Variants in MAGI2 observed in about 807,000 individuals in gnomAD.
MAGI2 encodes the protein membrane associated guanylate kinase, WW and PDZ domain containing 2, also known as membrane-associated guanylate kinase, WW and PDZ domain-containing protein 2.
MAGI2 carries 35 observed loss-of-function variants against 133.3 expected under a neutral mutation model. The observed-to-expected ratio is 0.26, with a 90% CI of 0.20 to 0.35. The LOEUF (loss-of-function observed/expected upper bound fraction) is 0.35, where lower values mean the gene tolerates loss of function less well. Among genes scored for constraint, MAGI2 ranks in the 10% least tolerant of loss-of-function variants. The probability of loss-of-function intolerance (pLI) is 1.00; values close to 1 mark genes in which losing one functional copy is unlikely to be tolerated. For missense variants in MAGI2, 1,636 were observed against 1,863.4 expected, an observed-to-expected ratio of 0.88 and a Z score of 2.25; for synonymous variants, 729 against 710.6, an observed-to-expected ratio of 1.03 and a Z score of -0.41.
intron 1 of MAGI2, among the ~76,000 whole-genome samples, chr7:79,388,664 A>G (rs1018524200): frequency 6.6e-6 from 1 of 151,794 alleles, no homozygotes; most frequent in Non-Finnish European, 1.5e-5. Context: ...AGAAAGGCAA[A>G]TGATTTCACA....
intron 4 of MAGI2, among the ~76,000 whole-genome samples, chr7:78,513,868 C>T (rs71573389): frequency 0.13 from 19,866 of 151,908 alleles, 1,412 homozygotes; most frequent in Middle Eastern, 0.15. Context: ...GCGGGTGGAT[C>T]AGCTGAGGTC....
At chr7:79,226,522 A>C (rs1457663109) in intron 1 of MAGI2, among the ~76,000 whole-genome samples, 1 of 152,170 alleles carries the variant, frequency 6.6e-6, no homozygotes, top group Non-Finnish European at 1.5e-5. Flanking sequence ...ATAGATCTGA[A>C]GCTTGGAATT....
chr7:78,256,889 C>T (rs1407828867), intron 9 of MAGI2, among the ~76,000 whole-genome samples: 1 of 152,124 alleles, frequency 6.6e-6, no homozygotes, highest in African/African-American at 2.4e-5. Context: ...AGCACATTCT[C>T]TATGCTTCTT....
chr7:78,974,568 G>A (rs1345594794), intron 2 of MAGI2, among the ~76,000 whole-genome samples: 2 of 151,740 alleles, frequency 1.3e-5, no homozygotes, highest in African/African-American at 2.4e-5. Context: ...CTCCTTTAAT[G>A]TAGTTATTTC....
At chr7:79,326,346 A>G (rs185717539) in intron 1 of MAGI2, among the ~76,000 whole-genome samples, 34 of 152,310 alleles carry the variant, frequency 2.2e-4, no homozygotes, top group Admixed American at 9.2e-4. Flanking sequence ...TAAGAAAAAA[A>G]CTAGACTACC....
intron 1 of MAGI2, among the ~76,000 whole-genome samples, chr7:79,017,268 G>A (rs374470920): frequency 6.6e-6 from 1 of 152,238 alleles, no homozygotes; most frequent in Non-Finnish European, 1.5e-5. Flanking sequence ...ACAGAATAAA[G>A]CTGGGGCCCA....
At chr7:79,437,563 A>G (rs1468628597) in intron 1 of MAGI2, among the ~76,000 whole-genome samples, 1 of 152,164 alleles carries the variant, frequency 6.6e-6, no homozygotes, top group Non-Finnish European at 1.5e-5. Flanking sequence ...CATTACAAAC[A>G]TAGTACTCAA....
Position 79,181,300 on chromosome 7 carries a change from C to T in MAGI2, c.302-174094G>A, listed in dbSNP as rs576179493. On this transcript the variant is annotated intron_variant, in intron 1 of 21. Transcript: ENST00000354212. ...CTTCTGCCTGGGCATCCAAGCATTT[C>T]CATACATCCTCTGAAATCTAGGTGA... Among the ~76,000 whole-genome samples, 4 of 152,076 alleles carry T rather than the reference C, an allele frequency of 2.6e-5. No individual in the cohort carries two copies. The South Asian group carries it at 8.3e-4, about 32-fold the overall frequency.
At chr7:78,447,268 C>A (rs982646187) in intron 6 of MAGI2, among the ~76,000 whole-genome samples, 1 of 151,562 alleles carries the variant, frequency 6.6e-6, no homozygotes, top group Non-Finnish European at 1.5e-5. Flanking sequence ...GTATACATTG[C>A]GTAAAAACTA....
chr7:78,516,685 A>G (rs1334296089), intron 4 of MAGI2, among the ~76,000 whole-genome samples: 2 of 152,124 alleles, frequency 1.3e-5, no homozygotes, highest in East Asian at 1.9e-4. Context: ...ATTTTTACCT[A>G]TGGTGGAATA....
At chr7:78,046,506 C>T (rs1811451667) in intron 21 of MAGI2, among the ~76,000 whole-genome samples, 1 of 152,186 alleles carries the variant, frequency 6.6e-6, no homozygotes, top group Admixed American at 6.5e-5. Flanking sequence ...GTTGAATTAC[C>T]TTCAACATGG....
At chr7:79,383,319 T>C in intron 1 of MAGI2, among the ~76,000 whole-genome samples, 1 of 151,664 alleles carries the variant, frequency 6.6e-6, no homozygotes, top group East Asian at 1.9e-4. Context: ...ATTGTTTCCT[T>C]ATTTATTGAA....
At chr7:78,838,585 A>T (rs1791860169) in intron 2 of MAGI2, among the ~76,000 whole-genome samples, 1 of 151,808 alleles carries the variant, frequency 6.6e-6, no homozygotes, top group Admixed American at 6.6e-5. Context: ...TACTGTCAGA[A>T]TAATAGGAAA....
chr7:78,570,607 C>G (rs79082224), intron 3 of MAGI2, among the ~76,000 whole-genome samples: 1 of 151,792 alleles, frequency 6.6e-6, no homozygotes, highest in Non-Finnish European at 1.5e-5. Flanking sequence ...TGATAAAAAC[C>G]TTTTTTTTCC....
intron 21 of MAGI2, among the ~76,000 whole-genome samples, chr7:78,043,578 G>A (rs1173641891): frequency 6.6e-6 from 1 of 152,238 alleles, no homozygotes; most frequent in African/African-American, 2.4e-5. Flanking sequence ...GAGAGTCCCA[G>A]AGGAAGGCCT....
At chr7:79,106,562 A>T (rs1184570794) in intron 1 of MAGI2, among the ~76,000 whole-genome samples, 1 of 152,214 alleles carries the variant, frequency 6.6e-6, no homozygotes, top group Non-Finnish European at 1.5e-5. Flanking sequence ...GTCAAATCAT[A>T]TTGTTGAATG....
chr7:79,213,352 A>G (rs1304801079), intron 1 of MAGI2, among the ~76,000 whole-genome samples: 1 of 140,854 alleles, frequency 7.1e-6, no homozygotes, highest in Non-Finnish European at 1.5e-5. Flanking sequence ...ACACACACAT[A>G]TATTTTTTCT....
At chr7:78,605,411 T>C (rs1361531429) in intron 3 of MAGI2, among the ~76,000 whole-genome samples, 1 of 152,176 alleles carries the variant, frequency 6.6e-6, no homozygotes, top group Non-Finnish European at 1.5e-5. Flanking sequence ...TAAAGAGAAA[T>C]ATTACATGGC....
At chr7:78,788,943 C>T (rs916775301) in intron 2 of MAGI2, among the ~76,000 whole-genome samples, 4 of 152,018 alleles carry the variant, frequency 2.6e-5, no homozygotes, top group Non-Finnish European at 5.9e-5. Flanking sequence ...ACGAGAGGCC[C>T]GCTCCTTCTC....
Sources: gnomAD v4.1 joint callset for allele counts (sites outside exome capture counted in the v4.1 genomes callset) on GRCh38, gnomAD v4.1.1 for gene constraint, MANE v1.5 for transcripts, NCBI Gene and HGNC (gene_info 2026-07-23, HGNC 2026-07-21) for gene names.